UQCRB: variants seen among roughly 807,000 people sequenced by gnomAD.
UQCRB encodes the protein cytochrome b-c1 complex subunit 7.
In UQCRB, 12 loss-of-function variants were observed where a neutral mutation model predicts 19.8. The observed-to-expected ratio is 0.61, with a 90% CI of 0.39 to 0.98. UQCRB has a LOEUF of 0.98. Ranked by LOEUF, UQCRB falls within the 50% of genes least tolerant of loss-of-function variation. The pLI, the probability that UQCRB is intolerant of heterozygous loss-of-function variation, is 0.00. For missense variants in UQCRB, 142 were observed against 131.8 expected (o/e 1.08, Z -0.38); for synonymous variants, 39 against 42.9 (o/e 0.91, Z 0.35).
chr8:96,233,048 T>G lies in UQCRB; in HGVS notation c.91+108A>C. 4 of 1,016,098 alleles carry G rather than the reference T, an allele frequency of 3.9e-6. 1 individual carries two copies. The South Asian group carries it at 5.6e-5, about 14-fold the overall frequency. 62.9% of individuals were successfully genotyped at this position (1,016,098 alleles called of 1,614,324 possible). A position where few individuals can be genotyped will look rare whatever the true frequency, so the allele number is the denominator to read the frequency against. ...TGATGTATACAAGAACTGAAATGGT[T>G]TTTGGAACCACAGTAACACTTGCAA... On this transcript the variant is annotated intron_variant, in intron 2 of 3. Coordinates refer to ENST00000287022, the MANE Select transcript of UQCRB (RefSeq NM_006294.5).
chr8:96,231,893 C>A lies in UQCRB; in HGVS notation c.139G>T (p.Ala47Ser). Residue 47 changes from alanine to serine, a missense_variant, in exon 3 of 4, where the codon GCC becomes TCC. Transcript: ENST00000287022. ...AGGTTCTCAGGAAGTCTTCTTATGG[C>A]TTCTTTTACATCTTCATCCTCGTAT... The part of the protein sequence containing the change: ...TIYEDEDVKE[A>S]IRRLPENLYN... The A allele has an allele frequency of 6.2e-7, 1 of 1,613,956 alleles. No homozygotes were observed. Among genetic ancestry groups the A allele is most frequent in the South Asian group, 1.1e-5 (1 of 91,086 alleles).
In UQCRB at chr8:96,231,154, A is replaced by AT. The variant is rs776678703; in HGVS notation, c.259-23dup. On this transcript the variant is annotated intron_variant, in intron 3 of 3. Coordinates refer to ENST00000287022, the MANE Select transcript of UQCRB (RefSeq NM_006294.5). ...TTTCCTAAAGAATGAATGAAATATT[A>AT]TATGTTACCATCACGTACTGATATA... 9 of 1,614,100 alleles carry AT rather than the reference A, an allele frequency of 5.6e-6. No individual in the cohort carries two copies. The East Asian group carries it at 2.0e-4, about 36-fold the overall frequency.
In UQCRB at chr8:96,224,157, C is replaced by T. The variant is rs1009438060; in HGVS notation, c.*6898G>A. On this transcript the variant is annotated 3_prime_UTR_variant, in exon 4 of 4. Coordinates refer to ENST00000287022, the MANE Select transcript of UQCRB (RefSeq NM_006294.5). The stretch of plus-strand genomic sequence containing the variant: ...GTCCTGGCAGGAAAGTGTGGCACAC[C>T]CAATCAGGCAAACCAAAGAATGTCC... Among the ~76,000 whole-genome samples, 1 of 152,140 alleles carries T rather than the reference C, an allele frequency of 6.6e-6. No individual in the cohort carries two copies. Among genetic ancestry groups the T allele is most frequent in the Non-Finnish European group, 1.5e-5 (1 of 68,026 alleles).
Position 96,230,438 on chromosome 8 carries a change from TATCC to T in UQCRB, c.*613_*616del, listed in dbSNP as rs1413838993. On this transcript the variant is annotated 3_prime_UTR_variant, in exon 4 of 4. Transcript: ENST00000287022. Reference sequence around the variant, plus strand: ...AATCTTAAAACTTTTAACTGACTAGTATCCAACCCTTAAACTTCATAACAATCAT... The same window carrying T: ...AATCTTAAAACTTTTAACTGACTAGTAACCCTTAAACTTCATAACAATCAT... 2.2e-6 allele frequency: 1 copy of T among 453,776 alleles called. No homozygotes were observed. Among genetic ancestry groups the T allele is most frequent in the South Asian group, 1.6e-5 (1 of 64,320 alleles). 28.1% of individuals were successfully genotyped at this position (453,776 alleles called of 1,614,324 possible).
At chr8:96,235,347 G>T in intron 1 of UQCRB, 165 bp downstream of exon 1, 1 of 1,054,418 alleles carries the variant, frequency 9.5e-7, no homozygotes, top group Non-Finnish European at 1.5e-6. Context: ...CCTGGGGACA[G>T]CAAACGAGTG....
At position 96,226,607 on chromosome 8, in the gene UQCRB, A is replaced by G. The variant is rs1809530388; in HGVS notation, c.*4448T>C. On this transcript the variant is annotated 3_prime_UTR_variant, in exon 4 of 4. Coordinates refer to ENST00000287022, the MANE Select transcript of UQCRB (RefSeq NM_006294.5). ...TTTTTTGGTTTGGCTTGTGAATACA[A>G]TTGTCACAGATATGTATACAATTTT... The G allele has an allele frequency of 4.0e-6, 1 of 251,376 alleles. No homozygotes were observed. Among genetic ancestry groups the G allele is most frequent in the Non-Finnish European group, 7.9e-6 (1 of 127,168 alleles). The allele number at this position is 251,376 out of a possible 1,614,324, so 15.6% of individuals were successfully genotyped here.
rs1255059065 is a variant in UQCRB, at chr8:96,227,398, G to A, written c.*3657C>T. On this transcript the variant is annotated 3_prime_UTR_variant, in exon 4 of 4. Transcript: ENST00000287022. ...CGTGTGATGTACACTAAGTTGTAAA[G>A]TTATAGGGCATCGCCACCTAGTGGC... The A allele has an allele frequency of 2.2e-6, 1 of 454,102 alleles. No homozygotes were observed. Among genetic ancestry groups the A allele is most frequent in the African/African-American group, 2.0e-5 (1 of 50,126 alleles). 28.1% of individuals were successfully genotyped at this position (454,102 alleles called of 1,614,324 possible).
Position 96,226,165 on chromosome 8 carries a change from T to TA in UQCRB, c.*4889dup, listed in dbSNP as rs759313276. 4 of 152,142 alleles carry TA rather than the reference T, an allele frequency of 2.6e-5. No homozygotes were observed. The highest frequency in any genetic ancestry group is 4.8e-5 in the African/African-American group (2 of 41,426). 9.4% of individuals were successfully genotyped at this position (152,142 alleles called of 1,614,324 possible). A position where few individuals can be genotyped will look rare whatever the true frequency, so the allele number is the denominator to read the frequency against. On this transcript the variant is annotated 3_prime_UTR_variant, in exon 4 of 4. Transcript: ENST00000287022. ...TGGAACATAAACACATACATCAATT[T>TA]AAAAAATCCAGAAAATTATGTAATG...
At chr8:96,235,065 G>A (rs1344445260) in intron 1 of UQCRB, 1 of 280,990 alleles carries the variant, frequency 3.6e-6, no homozygotes, top group Non-Finnish European at 7.0e-6. Context: ...TATCTTATCA[G>A]CGTAAAAGGG....
chr8:96,225,452 C>G lies in UQCRB; in HGVS notation c.*5603G>C, dbSNP rs547379444. 6.6e-6 allele frequency among the ~76,000 whole-genome samples: 1 copy of G among 152,298 alleles called. No individual in the cohort carries two copies. The highest frequency in any genetic ancestry group is 1.9e-4 in the East Asian group (1 of 5,178). On this transcript the variant is annotated 3_prime_UTR_variant, in exon 4 of 4. Transcript: ENST00000287022. The stretch of plus-strand genomic sequence containing the variant: ...CATCCCCTTTGCCCCAACATTTTCA[C>G]TTCCCAGAATCTATCCAAACACTCT...
rs746963964 is a variant in UQCRB, at chr8:96,226,982, G to T, written c.*4073C>A. On this transcript the variant is annotated 3_prime_UTR_variant, in exon 4 of 4. Transcript: ENST00000287022. ...AACTTAGAGGCACTATCCGACCTGA[G>T]ATCTCAGATTCTAACATGTTATGGC... is the stretch of plus-strand genomic sequence containing the variant. 3 of 453,984 alleles carry T rather than the reference G, an allele frequency of 6.6e-6. No individual in the cohort carries two copies. The highest frequency in any genetic ancestry group is 6.9e-4 in the Middle Eastern group (1 of 1,444). 28.1% of individuals were successfully genotyped at this position (453,984 alleles called of 1,614,324 possible).
At position 96,226,563 on chromosome 8, in the gene UQCRB, GT is replaced by G. The variant is rs529120522; in HGVS notation, c.*4491del. On this transcript the variant is annotated 3_prime_UTR_variant, in exon 4 of 4. Transcript: ENST00000287022. ...AGAAAAATTGTAAGCTGACTCCTTT[GT>G]AAAACAAATAATTATCTTTTTTTGG... 121 of 235,674 alleles carry G rather than the reference GT, an allele frequency of 5.1e-4. No homozygotes were observed. Among genetic ancestry groups the G allele is most frequent in the African/African-American group, 2.8e-3 (117 of 42,312 alleles). 14.6% of individuals were successfully genotyped at this position (235,674 alleles called of 1,614,324 possible).
chr8:96,235,408 A>C (rs1809786863), intron 1 of UQCRB, 104 bp downstream of exon 1: 1 of 1,530,596 alleles, frequency 6.5e-7, no homozygotes, highest in African/African-American at 1.4e-5. Context: ...CCCTTCCGCG[A>C]CAAACTTGGC....
At position 96,224,895 on chromosome 8, in the gene UQCRB, T is replaced by G. The variant is rs1809501262; in HGVS notation, c.*6160A>C. 6.6e-6 allele frequency among the ~76,000 whole-genome samples: 1 copy of G among 152,186 alleles called. No homozygotes were observed. Among genetic ancestry groups the G allele is most frequent in the Non-Finnish European group, 1.5e-5 (1 of 68,046 alleles). Reference sequence around the variant, plus strand: ...ACCACAGAGGAGAGGACTGAGAGTTTGTACTACATAAAAATCAGAAACTTC... The same window carrying G: ...ACCACAGAGGAGAGGACTGAGAGTTGGTACTACATAAAAATCAGAAACTTC... On this transcript the variant is annotated 3_prime_UTR_variant, in exon 4 of 4. Coordinates refer to ENST00000287022, the MANE Select transcript of UQCRB (RefSeq NM_006294.5).
rs756833536 is a variant in UQCRB at position 96,228,203 on chromosome 8, C to T, written c.*2852G>A. 71 of 453,952 alleles carry T rather than the reference C, an allele frequency of 1.6e-4. No individual in the cohort carries two copies. The highest frequency in any genetic ancestry group is 1.3e-3 in the African/African-American group (63 of 49,982). The allele number at this position is 453,952 out of a possible 1,614,324, so 28.1% of individuals were successfully genotyped here. A position where few individuals can be genotyped will look rare whatever the true frequency, so the allele number is the denominator to read the frequency against. On this transcript the variant is annotated 3_prime_UTR_variant, in exon 4 of 4. Transcript: ENST00000287022. ...ACCACTTCAGAGTAAACAAACATAA[C>T]TTTCTTCAAGATGTAGGAAAACTGT... is the stretch of plus-strand genomic sequence containing the variant.
chr8:96,227,069 T>C lies in UQCRB; in HGVS notation c.*3986A>G, dbSNP rs1209953802. The stretch of plus-strand genomic sequence containing the variant: ...AAATTATGGCATATAAATTAAAACA[T>C]TTAAAATATTTTAACATCTATAGAC... On this transcript the variant is annotated 3_prime_UTR_variant, in exon 4 of 4. Coordinates refer to ENST00000287022, the MANE Select transcript of UQCRB (RefSeq NM_006294.5). 2.2e-6 allele frequency: 1 copy of C among 453,414 alleles called. No individual in the cohort carries two copies. Among genetic ancestry groups the C allele is most frequent in the Non-Finnish European group, 4.4e-6 (1 of 226,654 alleles). The allele number at this position is 453,414 out of a possible 1,614,324, so 28.1% of individuals were successfully genotyped here. A position where few individuals can be genotyped will look rare whatever the true frequency, so the allele number is the denominator to read the frequency against.
Position 96,226,744 on chromosome 8 carries a change from C to A in UQCRB, c.*4311G>T, listed in dbSNP as rs1809532652. The A allele has an allele frequency of 1.0e-5, 4 of 391,398 alleles. No individual in the cohort carries two copies. Among genetic ancestry groups the A allele is most frequent in the Non-Finnish European group, 2.0e-5 (4 of 202,920 alleles). The allele number at this position is 391,398 out of a possible 1,614,324, so 24.2% of individuals were successfully genotyped here. On this transcript the variant is annotated 3_prime_UTR_variant, in exon 4 of 4. Coordinates refer to ENST00000287022, the MANE Select transcript of UQCRB (RefSeq NM_006294.5). ...TTTTACATTTATGCAAAAATAGGCA[C>A]ATGTATTCAAACAAAAAGTTCAATA...
In UQCRB at chr8:96,228,555, T is replaced by G. The variant is rs767568074; in HGVS notation, c.*2500A>C. 23 of 454,040 alleles carry G rather than the reference T, an allele frequency of 5.1e-5. No homozygotes were observed. The highest frequency in any genetic ancestry group is 1.0e-4 in the Non-Finnish European group (23 of 226,806). 28.1% of individuals were successfully genotyped at this position (454,040 alleles called of 1,614,324 possible). On this transcript the variant is annotated 3_prime_UTR_variant, in exon 4 of 4. Transcript: ENST00000287022. Reference sequence around the variant, plus strand: ...GGTTAGCTATTCGACATTGATGATATTCAGCGTTTTCCCAAGTTATTCTTT... The same window carrying G: ...GGTTAGCTATTCGACATTGATGATAGTCAGCGTTTTCCCAAGTTATTCTTT...
chr8:96,227,869 T>G lies in UQCRB; in HGVS notation c.*3186A>C. On this transcript the variant is annotated 3_prime_UTR_variant, in exon 4 of 4. Coordinates refer to ENST00000287022, the MANE Select transcript of UQCRB (RefSeq NM_006294.5). ...TTTGGATTTATTAAGATTCTAGAAT[T>G]TAAAAACAGGAAAAGGTGCCATTAG... The G allele has an allele frequency of 2.2e-6, 1 of 454,072 alleles. No individual in the cohort carries two copies. The highest frequency in any genetic ancestry group is 4.4e-6 in the Non-Finnish European group (1 of 226,782). The allele number at this position is 454,072 out of a possible 1,614,324, so 28.1% of individuals were successfully genotyped here.
Sources: allele counts gnomAD v4.1 joint callset (sites outside exome capture counted in the v4.1 genomes callset), GRCh38; gene constraint gnomAD v4.1.1; transcripts MANE v1.5; gene names NCBI Gene and HGNC (gene_info 2026-07-23, HGNC 2026-07-21).